MEF2B: variants seen among roughly 807,000 people sequenced by gnomAD.
MEF2B encodes myocyte enhancer factor 2B.
Under a neutral mutation model 32.2 loss-of-function variants are expected in MEF2B, and 15 were observed. The observed-to-expected ratio is 0.47, with a 90% CI of 0.31 to 0.72. The LOEUF is 0.72. Among genes scored for constraint, MEF2B ranks in the 30% least tolerant of loss-of-function variants. The pLI, the probability that MEF2B is intolerant of heterozygous loss-of-function variation, is 0.05. For missense variants in MEF2B, 441 were observed against 511.5 expected (o/e 0.86, Z 1.33); for synonymous variants, 205 against 225.6 (o/e 0.91, Z 0.82).
At chr19:19,146,902 G>T (rs752331293) in intron 5 of MEF2B, 27 bp from the exon 6 acceptor site, 4 of 1,602,304 alleles carry the variant, frequency 2.5e-6, no homozygotes, top group Non-Finnish European at 3.4e-6. Context: ...CCCAGAGAGA[G>T]AGGACAGGCA....
In MEF2B at chr19:19,170,252, C is replaced by T. The variant is rs772092768; in HGVS notation, c.-77G>A. The T allele has an allele frequency of 8.2e-4, 326 of 398,572 alleles. No individual in the cohort carries two copies. The highest frequency in any genetic ancestry group is 1.1e-3 in the Non-Finnish European group (254 of 225,996). 24.7% of individuals were successfully genotyped at this position (398,572 alleles called of 1,614,324 possible). A position where few individuals can be genotyped will look rare whatever the true frequency, so the allele number is the denominator to read the frequency against. ...CGCTGGGCGCACGGACCCGCGGCGG[C>T]TGCACGAAGATCAGGGGCCCGCGGC... is the stretch of plus-strand genomic sequence containing the variant. On this transcript the variant is annotated 5_prime_UTR_variant, in exon 1 of 9. Coordinates refer to ENST00000424583, the MANE Select transcript of MEF2B (RefSeq NM_001145785.2).
At chr19:19,158,595 GA>G (rs112542162) in intron 1 of MEF2B, among the ~76,000 whole-genome samples, 20,401 of 132,182 alleles carry the variant, frequency 0.15, 1,703 homozygotes, top group East Asian at 0.34. Context: ...CTGTCTGTAG[GA>G]AAAAAAAAAA....
chr19:19,160,638 G>C (rs565646070), intron 1 of MEF2B, among the ~76,000 whole-genome samples: 1 of 150,658 alleles, frequency 6.6e-6, no homozygotes, highest in Non-Finnish European at 1.5e-5. Flanking sequence ...GTGGGGGTGG[G>C]GGTGAGGGCC....
intron 1 of MEF2B, among the ~76,000 whole-genome samples, chr19:19,153,033 C>A (rs1365692861): frequency 6.6e-6 from 1 of 152,228 alleles, no homozygotes; most frequent in African/African-American, 2.4e-5. Context: ...ATGTTGCCCC[C>A]ACCCTGATGG....
At position 19,147,071 on chromosome 19, in the gene MEF2B, G is replaced by A. The variant is rs1266163850; in HGVS notation, c.506C>T (p.Pro169Leu). The A allele has an allele frequency of 6.2e-7, 1 of 1,608,912 alleles. No individual in the cohort carries two copies. The highest frequency in any genetic ancestry group is 8.5e-7 in the Non-Finnish European group (1 of 1,178,616). Reference sequence around the variant, plus strand: ...GGCTTTGGGGGCTGCTGGTCGGAAGGGAGATGGGCGGCTCTGGGCGGGCAG... The same window carrying A: ...GGCTTTGGGGGCTGCTGGTCGGAAGAGAGATGGGCGGCTCTGGGCGGGCAG... The part of the protein sequence containing the change: ...EALPAQSRPS[P>L]FRPAAPKAGP... Residue 169 changes from proline to leucine, a missense_variant, in exon 5 of 9, where the codon CCC (proline) becomes CTC (leucine). Physicochemically the swap from Pro to Leu is moderately conservative, Grantham distance 98 (BLOSUM62 -3). Coordinates refer to ENST00000424583, the MANE Select transcript of MEF2B (RefSeq NM_001145785.2).
intron 4 of MEF2B, 78 bp downstream of exon 4, chr19:19,147,620 C>A: frequency 6.4e-7 from 1 of 1,565,672 alleles, no homozygotes; most frequent in East Asian, 2.3e-5. Flanking sequence ...CTAAGCCCCT[C>A]TCTCAGTACC....
intron 1 of MEF2B, among the ~76,000 whole-genome samples, chr19:19,159,788 C>T (rs1354374180): frequency 1.3e-5 from 2 of 152,072 alleles, no homozygotes; most frequent in Non-Finnish European, 2.9e-5. Context: ...CCCAGCCTGG[C>T]GAGGCCCCTT....
At chr19:19,149,907 C>T (rs190150992) in intron 2 of MEF2B, among the ~76,000 whole-genome samples, 65 of 150,742 alleles carry the variant, frequency 4.3e-4, no homozygotes, top group African/African-American at 1.4e-3. Flanking sequence ...GGTGAGACCC[C>T]TGACTCTACT....
intron 1 of MEF2B, chr19:19,156,997 A>G (rs538304516): frequency 2.1e-4 from 34 of 161,588 alleles, no homozygotes; most frequent in African/African-American, 7.9e-4. Context: ...AAAAAAAGTA[A>G]AAATTAGCTG....
At chr19:19,155,632 T>C (rs900964263) in intron 1 of MEF2B, among the ~76,000 whole-genome samples, 1 of 152,230 alleles carries the variant, frequency 6.6e-6, no homozygotes, top group African/African-American at 2.4e-5. Flanking sequence ...CCACTCAGCA[T>C]TGACCTGTCT....
chr19:19,160,517 G>C (rs117789611), intron 1 of MEF2B, among the ~76,000 whole-genome samples: 2 of 152,120 alleles, frequency 1.3e-5, no homozygotes, highest in South Asian at 4.2e-4. Context: ...GGACTTTACT[G>C]GGGGGATGAG....
At chr19:19,155,501 A>G (rs569539691) in intron 1 of MEF2B, among the ~76,000 whole-genome samples, 51 of 152,308 alleles carry the variant, frequency 3.3e-4, no homozygotes, top group African/African-American at 1.2e-3. Flanking sequence ...TTTGGTGAGC[A>G]GAGTAGATCA....
chr19:19,150,523 C>CA lies in MEF2B; in HGVS notation c.54+158dup, dbSNP rs67741867. Among the ~76,000 whole-genome samples, 343 of 103,234 alleles carry CA rather than the reference C, an allele frequency of 3.3e-3. 5 individuals carry two copies. The highest frequency in any genetic ancestry group is 0.015 in the Middle Eastern group (3 of 198). 67.7% of individuals were successfully genotyped at this position (103,234 alleles called of 152,430 possible). ...TGGGCAACAGAGTGAGACTTCATCT[C>CA]AAAAAAAAAAAAAAAAAAAAGAAAG... On this transcript the variant is annotated intron_variant, in intron 2 of 8. Transcript: ENST00000424583.
chr19:19,169,257 G>C lies in MEF2B; in HGVS notation c.-30+948C>G, dbSNP rs2060233989. 3.3e-5 allele frequency among the ~76,000 whole-genome samples: 5 copies of C among 151,942 alleles called. No individual in the cohort carries two copies. The South Asian group carries it at 1.0e-3, about 32-fold the overall frequency. ...TAATCCCAGCTACTTAGAAGGCTGA[G>C]GGAGGAGAATTGTTTGAGCCTGGGA... is the stretch of plus-strand genomic sequence containing the variant. On this transcript the variant is annotated intron_variant, in intron 1 of 8. Coordinates refer to ENST00000424583, the MANE Select transcript of MEF2B (RefSeq NM_001145785.2).
rs769889362 is a variant in MEF2B, at chr19:19,145,673, C to T, written c.*124G>A. On this transcript the variant is annotated 3_prime_UTR_variant, in exon 9 of 9. Coordinates refer to ENST00000424583, the MANE Select transcript of MEF2B (RefSeq NM_001145785.2). This position sits in a 1 kb window ranked among gnomAD's most constrained non-coding sequence, Gnocchi z 4.6. ...TTGAGTCCAGCCGCCCACCTCCAAG[C>T]CCCCACCGCGGAGGGGGGCGTCACT... 1.4e-5 allele frequency: 22 copies of T among 1,542,052 alleles called. No homozygotes were observed. The highest frequency in any genetic ancestry group is 1.8e-5 in the Non-Finnish European group (21 of 1,142,454).
intron 1 of MEF2B, among the ~76,000 whole-genome samples, chr19:19,159,092 C>T (rs2060140499): frequency 6.6e-6 from 1 of 151,540 alleles, no homozygotes; most frequent in African/African-American, 2.4e-5. Context: ...AGGCACACAC[C>T]ACTACACCCA....
At position 19,146,569 on chromosome 19, in the gene MEF2B, G is replaced by A. The variant is rs1342378535; in HGVS notation, c.755C>T (p.Pro252Leu). The change falls in exon 7 of 9, where the codon CCC (proline) becomes CTC (leucine). Residue 252 changes from proline to leucine, a missense_variant. By Grantham distance (98) the Pro-to-Leu change is moderately conservative. Around this residue, in one of 2 missense-constraint regions of MEF2B, gnomAD observed 326 missense variants for 328.4 expected, o/e 0.99. Transcript: ENST00000424583. Reference protein sequence around the residue: ...GPPLGSFPFLPGGPPEYGLGD... With the variant: ...GPPLGSFPFLLGGPPEYGLGD... ...AGGGGATGTACCTGGGGGGCCTCCG[G>A]GGAGGAAGGGGAAGCTCCCCAGTGG... The A allele has an allele frequency of 1.3e-6, 2 of 1,579,454 alleles. No homozygotes were observed. Among genetic ancestry groups the A allele is most frequent in the Admixed American group, 2.0e-5 (1 of 50,832 alleles).
rs56322437 is a variant in MEF2B, at chr19:19,166,597, T to TAAAA, written c.-30+3604_-30+3607dup. Among the ~76,000 whole-genome samples the TAAAA allele has an allele frequency of 9.2e-5, 12 of 130,188 alleles. 1 individual carries two copies. Among genetic ancestry groups the TAAAA allele is most frequent in the African/African-American group, 2.3e-4 (8 of 34,094 alleles). The allele number at this position is 130,188 out of a possible 152,430, so 85.4% of individuals were successfully genotyped here. A position where few individuals can be genotyped will look rare whatever the true frequency, so the allele number is the denominator to read the frequency against. ...ATAGGGAGACCCCCCCATCTCCAAT[T>TAAAA]AAAAAAAAAAAAAAAGCCAGGCAAG... On this transcript the variant is annotated intron_variant, in intron 1 of 8. Coordinates refer to ENST00000424583, the MANE Select transcript of MEF2B (RefSeq NM_001145785.2).
rs140155779 is a variant in MEF2B at position 19,146,116 on chromosome 19, G to C, written c.882-94C>G. The C allele has an allele frequency of 8.0e-4, 907 of 1,136,748 alleles. 6 individuals are homozygous for C. The African/African-American group carries it at 0.013, about 16-fold the overall frequency. 70.4% of individuals were successfully genotyped at this position (1,136,748 alleles called of 1,614,324 possible). ...AGCGTGGGCAAAGGCTTGGCAGGAG[G>C]ACCCTGGGAAAGGAGGGGGTGGCGG... On this transcript the variant is annotated intron_variant, in intron 8 of 8. Coordinates refer to ENST00000424583, the MANE Select transcript of MEF2B (RefSeq NM_001145785.2).
Sources: gnomAD v4.1 joint callset for allele counts (sites outside exome capture counted in the v4.1 genomes callset) on GRCh38, gnomAD v4.1.1 for gene constraint, gnomAD v4.1.1 regional missense constraint, Gnocchi (gnomAD v3.1) non-coding constraint, MANE v1.5 for transcripts, NCBI Gene and HGNC (gene_info 2026-07-23, HGNC 2026-07-21) for gene names.